Variants in JPH3 observed in about 807,000 individuals in gnomAD.
JPH3 encodes the protein junctophilin 3, also known as junctophilin-3.
A neutral mutation model predicts 59.6 loss-of-function variants in JPH3; 11 were observed. That is an observed-to-expected ratio of 0.18 (90% CI 0.12 to 0.31). The LOEUF (loss-of-function observed/expected upper bound fraction) is 0.31, where lower values mean the gene tolerates loss of function less well. Among genes scored for constraint, JPH3 ranks in the 10% least tolerant of loss-of-function variants. The pLI is 1.00. For missense variants in JPH3, 1,202 were observed against 1,105.7 expected, an observed-to-expected ratio of 1.09 and a Z score of -1.24; for synonymous variants, 673 against 483.6, an observed-to-expected ratio of 1.39 and a Z score of -5.14.
intron 3 of JPH3, among the ~76,000 whole-genome samples, chr16:87,686,148 A>G (rs2033411471): frequency 6.6e-6 from 1 of 152,106 alleles, no homozygotes; most frequent in Non-Finnish European, 1.5e-5. Context: ...CAGAAACACG[A>G]GTTTGCCTTT....
chr16:87,666,193 G>A (rs1204013779), intron 2 of JPH3, among the ~76,000 whole-genome samples: 1 of 150,880 alleles, frequency 6.6e-6, no homozygotes, highest in East Asian at 1.9e-4. Context: ...GATTTAAGCA[G>A]TTCTCCTGCC....
chr16:87,674,297 G>GC (rs1367147257), intron 2 of JPH3, among the ~76,000 whole-genome samples: 2 of 152,090 alleles, frequency 1.3e-5, no homozygotes, highest in African/African-American at 2.4e-5. Flanking sequence ...TCGCGCCACT[G>GC]ACTCCAGCCT....
intron 2 of JPH3, among the ~76,000 whole-genome samples, chr16:87,683,203 GAC>G (rs891762167): frequency 5.9e-5 from 9 of 152,262 alleles, no homozygotes; most frequent in African/African-American, 2.2e-4. Flanking sequence ...AGGAAGCACA[GAC>G]ACACACAGCA....
intron 2 of JPH3, among the ~76,000 whole-genome samples, chr16:87,660,664 G>C (rs755502466): frequency 6.6e-5 from 10 of 152,208 alleles, no homozygotes; most frequent in Non-Finnish European, 1.5e-4. Context: ...GCAGTGGACA[G>C]GTGAGTCTCT....
At chr16:87,643,776 C>T (rs1040099494) in intron 1 of JPH3, among the ~76,000 whole-genome samples, 23 of 152,134 alleles carry the variant, frequency 1.5e-4, no homozygotes, top group Non-Finnish European at 3.1e-4. Context: ...CAAAAACAGC[C>T]ACTGGTGATA....
intron 1 of JPH3, among the ~76,000 whole-genome samples, chr16:87,618,271 G>T (rs1010796841): frequency 6.6e-6 from 1 of 152,244 alleles, no homozygotes; most frequent in African/African-American, 2.4e-5. Context: ...GCCTAGGGGA[G>T]CCCCAGGACT....
At chr16:87,684,108 T>C in intron 2 of JPH3, 34 bp from the exon 3 acceptor site, 5 of 1,548,888 alleles carry the variant, frequency 3.2e-6, no homozygotes, top group East Asian at 4.5e-5. Flanking sequence ...CTGTGCCCCC[T>C]GCCCCCCCTC....
At chr16:87,623,061 C>T (rs111696629) in intron 1 of JPH3, among the ~76,000 whole-genome samples, 14,858 of 152,188 alleles carry the variant, frequency 0.098, 763 homozygotes, top group African/African-American at 0.11. Context: ...CCTCCCAGGC[C>T]AGCCCCACAG....
intron 2 of JPH3, among the ~76,000 whole-genome samples, chr16:87,679,596 T>TC (rs35529563): frequency 0.037 from 5,572 of 152,324 alleles, 334 homozygotes; most frequent in African/African-American, 0.13. Flanking sequence ...CCTTGCCTTG[T>TC]CCCCCGGACG....
chr16:87,639,026 C>G (rs750188895), intron 1 of JPH3, among the ~76,000 whole-genome samples: 7 of 152,180 alleles, frequency 4.6e-5, no homozygotes, highest in African/African-American at 1.7e-4. Flanking sequence ...TGGGTTCTAA[C>G]GCTGCCGCTT....
chr16:87,687,885 C>T (rs1478711806), intron 3 of JPH3, among the ~76,000 whole-genome samples: 5 of 152,150 alleles, frequency 3.3e-5, no homozygotes, highest in Non-Finnish European at 7.4e-5. Flanking sequence ...CTGCTAGGTC[C>T]ATAGCGTCTA....
chr16:87,652,095 C>T (rs1020345743), intron 2 of JPH3, among the ~76,000 whole-genome samples: 2 of 152,218 alleles, frequency 1.3e-5, no homozygotes, highest in African/African-American at 2.4e-5. Flanking sequence ...CTGCCTCAGC[C>T]TCCCAAGTAG....
At chr16:87,629,057 G>A (rs1165513579) in intron 1 of JPH3, among the ~76,000 whole-genome samples, 4 of 152,010 alleles carry the variant, frequency 2.6e-5, no homozygotes, top group African/African-American at 7.2e-5. Context: ...AGGCTCCAGG[G>A]CTAACGCTGT....
intron 1 of JPH3, among the ~76,000 whole-genome samples, chr16:87,609,725 CTG>C (rs1259395844): frequency 6.6e-6 from 1 of 152,198 alleles, no homozygotes; most frequent in African/African-American, 2.4e-5. Context: ...GTCAGTGAAA[CTG>C]TTTCACCACC....
chr16:87,604,043 G>T (rs1305214411), intron 1 of JPH3: 8 of 973,148 alleles, frequency 8.2e-6, no homozygotes, highest in African/African-American at 1.8e-5. Context: ...CGCTAGGGGC[G>T]GGGGATGCCA....
chr16:87,657,500 C>T (rs1358476545), intron 2 of JPH3, among the ~76,000 whole-genome samples: 1 of 152,170 alleles, frequency 6.6e-6, no homozygotes, highest in Admixed American at 6.5e-5. Flanking sequence ...GTTGAATGTA[C>T]TGAATGCCAC....
At chr16:87,672,887 A>G (rs1346387137) in intron 2 of JPH3, among the ~76,000 whole-genome samples, 1 of 152,228 alleles carries the variant, frequency 6.6e-6, no homozygotes, top group Non-Finnish European at 1.5e-5. Flanking sequence ...GCTTGTGCCT[A>G]TAATCTCAGC....
At chr16:87,695,292 G>T (rs1274123888) in intron 4 of JPH3, 1 of 456,002 alleles carries the variant, frequency 2.2e-6, no homozygotes, top group South Asian at 1.5e-5. Context: ...CCAGAGGCCA[G>T]ACTTGGGGGC....
intron 2 of JPH3, among the ~76,000 whole-genome samples, chr16:87,664,409 G>C (rs1431585577): frequency 2.0e-5 from 3 of 151,022 alleles, no homozygotes; most frequent in African/African-American, 7.3e-5. Flanking sequence ...TGGATCACTT[G>C]AGGTCAGGAG....
Sources: allele counts gnomAD v4.1 joint callset (sites outside exome capture counted in the v4.1 genomes callset), GRCh38; gene constraint gnomAD v4.1.1; transcripts MANE v1.5; gene names NCBI Gene and HGNC (gene_info 2026-07-23, HGNC 2026-07-21).